NKIRAS1: variants seen among roughly 807,000 people sequenced by gnomAD.
NKIRAS1 encodes the protein NF-kappa-B inhibitor-interacting Ras-like protein 1.
NKIRAS1 carries 16 observed loss-of-function variants against 19.8 expected under a neutral mutation model. The observed-to-expected ratio is 0.81, with a 90% CI of 0.55 to 1.23. NKIRAS1 has a LOEUF of 1.23. Among genes scored for constraint, NKIRAS1 ranks in the 50% most tolerant of loss-of-function variants. The probability of loss-of-function intolerance (pLI) is 0.00; values close to 1 mark genes in which losing one functional copy is unlikely to be tolerated. For synonymous variants in NKIRAS1, 88 were observed against 79.0 expected, an observed-to-expected ratio of 1.11 and a Z score of -0.61; for missense variants, 184 against 220.0, an observed-to-expected ratio of 0.84 and a Z score of 1.04.
At chr3:23,902,151 T>C (rs889346548) in intron 3 of NKIRAS1, among the ~76,000 whole-genome samples, 14 of 152,132 alleles carry the variant, frequency 9.2e-5, no homozygotes, top group African/African-American at 3.4e-4. Flanking sequence ...TAACATCCTA[T>C]ACCCCCCCCA....
intron 1 of NKIRAS1, among the ~76,000 whole-genome samples, chr3:23,932,212 T>C (rs1206949593): frequency 1.3e-5 from 2 of 152,100 alleles, no homozygotes; most frequent in Non-Finnish European, 2.9e-5. Flanking sequence ...TAAACATCTG[T>C]GAGAGTGCCT....
chr3:23,940,803 G>A (rs1381002883), intron 1 of NKIRAS1, among the ~76,000 whole-genome samples: 2 of 152,156 alleles, frequency 1.3e-5, no homozygotes, highest in African/African-American at 4.8e-5. Flanking sequence ...TACCATGAAT[G>A]GAACGGTAAA....
chr3:23,930,836 G>A (rs1705302035), intron 1 of NKIRAS1, among the ~76,000 whole-genome samples: 2 of 151,530 alleles, frequency 1.3e-5, no homozygotes, highest in South Asian at 4.2e-4. Flanking sequence ...CTGAGTAGCT[G>A]GGACTATAGG....
chr3:23,936,693 C>T (rs921984578), intron 1 of NKIRAS1, among the ~76,000 whole-genome samples: 2 of 152,074 alleles, frequency 1.3e-5, no homozygotes, highest in Admixed American at 1.3e-4. Context: ...ACCACAGGTG[C>T]GTGCCACCAC....
chr3:23,910,752 AC>A lies in NKIRAS1; in HGVS notation c.94+58del. 4 of 1,298,602 alleles carry A rather than the reference AC, an allele frequency of 3.1e-6. No homozygotes were observed. The Middle Eastern group carries it at 7.3e-4, about 236-fold the overall frequency. The allele number at this position is 1,298,602 out of a possible 1,614,324, so 80.4% of individuals were successfully genotyped here. On this transcript the variant is annotated intron_variant, in intron 3 of 4. Coordinates refer to ENST00000425478, the MANE Select transcript of NKIRAS1 (RefSeq NM_020345.4). ...AACCACCTTTAGTTTAGCATGACCAACAAAAGACCCCTGATAGCTCCCAGAA... is the reference window on the plus strand; with the variant it reads ...AACCACCTTTAGTTTAGCATGACCAAAAAAGACCCCTGATAGCTCCCAGAA...
intron 1 of NKIRAS1, among the ~76,000 whole-genome samples, chr3:23,931,528 C>A (rs981248245): frequency 1.3e-5 from 2 of 152,170 alleles, no homozygotes; most frequent in Non-Finnish European, 2.9e-5. Context: ...TGTCTCCCTT[C>A]CCTGCTTTAT....
rs1173405147 is a variant in NKIRAS1 at position 23,910,154 on chromosome 3, GC to G, written c.94+656del. On this transcript the variant is annotated intron_variant, in intron 3 of 4. Coordinates refer to ENST00000425478, the MANE Select transcript of NKIRAS1 (RefSeq NM_020345.4). ...TTACTGGTGTGAGCCACTGCGCTCG[GC>G]CTTTTTTTTTTTTTTTTTTTGAGAC... Among the ~76,000 whole-genome samples the G allele has an allele frequency of 6.8e-3, 812 of 119,306 alleles. 13 individuals are homozygous for G. Among genetic ancestry groups the G allele is most frequent in the South Asian group, 0.052 (201 of 3,900 alleles). 78.3% of individuals were successfully genotyped at this position (119,306 alleles called of 152,430 possible).
rs569928934 is a variant in NKIRAS1, at chr3:23,936,849, C to G, written c.-140+9474G>C. Among the ~76,000 whole-genome samples the G allele has an allele frequency of 4.7e-4, 72 of 152,274 alleles. 1 individual carries two copies. The South Asian group carries it at 0.012, about 25-fold the overall frequency. ...GCGTGAGCCACTGCACTACTGCGCC[C>G]GGCTGAAAAATTGCATTTCTAACAA... On this transcript the variant is annotated intron_variant, in intron 1 of 4. Coordinates refer to the NKIRAS1 transcript ENST00000421515.
chr3:23,901,001 T>C lies in NKIRAS1; in HGVS notation c.143A>G (p.Glu48Gly). 1.2e-6 allele frequency: 2 copies of C among 1,614,190 alleles called. No individual in the cohort carries two copies. The highest frequency in any genetic ancestry group is 1.7e-6 in the Non-Finnish European group (2 of 1,180,004). ...CTGTTCTTTTACTCCTCGGTCTGTTTCTACTGAAGCCATGTATACATCTTC... is the reference window on the plus strand; with the variant it reads ...CTGTTCTTTTACTCCTCGGTCTGTTCCTACTGAAGCCATGTATACATCTTC... ...TMEDVYMASV[E>G]TDRGVKEQLH... Residue 48 changes from glutamate to glycine, a missense_variant, in exon 4 of 5, where the codon GAA (glutamate) becomes GGA (glycine). Physicochemically the swap from Glu to Gly is moderately conservative, Grantham distance 98. Transcript: ENST00000425478.
chr3:23,900,704 TAAG>T (rs1167602680), intron 4 of NKIRAS1, 101 bp downstream of exon 4: 48 of 814,154 alleles, frequency 5.9e-5, no homozygotes, highest in Middle Eastern at 3.5e-4. Flanking sequence ...TTACAGATAC[TAAG>T]AATATACTGT....
chr3:23,908,178 A>G (rs1489878870), intron 3 of NKIRAS1, among the ~76,000 whole-genome samples: 1 of 152,206 alleles, frequency 6.6e-6, no homozygotes, highest in African/African-American at 2.4e-5. Flanking sequence ...AAAATTTCCA[A>G]AATGACCAAT....
intron 1 of NKIRAS1, among the ~76,000 whole-genome samples, chr3:23,924,691 C>T (rs547630576): frequency 6.6e-6 from 1 of 152,150 alleles, no homozygotes; most frequent in Non-Finnish European, 1.5e-5. Context: ...AATAAGCCAC[C>T]AAGCCTGGCC....
upstream of NKIRAS1, chr3:23,919,175 G>A: frequency 1.3e-6 from 2 of 1,559,458 alleles, no homozygotes; most frequent in South Asian, 2.2e-5. Flanking sequence ...GATTGACCTT[G>A]GGCCTTTTTT....
At chr3:23,920,797 G>A (rs1036472651), upstream of NKIRAS1, 5 of 958,666 alleles carry the variant, frequency 5.2e-6, no homozygotes, top group Admixed American at 3.1e-4. Flanking sequence ...CATTTTAATT[G>A]TGTAGAGGTT....
At chr3:23,909,139 A>G (rs963454513) in intron 3 of NKIRAS1, among the ~76,000 whole-genome samples, 2 of 152,244 alleles carry the variant, frequency 1.3e-5, no homozygotes, top group Non-Finnish European at 2.9e-5. Context: ...GTATTATAAT[A>G]AACACTAAAT....
At chr3:23,899,969 C>A (rs1342709787) in intron 4 of NKIRAS1, among the ~76,000 whole-genome samples, 1 of 151,796 alleles carries the variant, frequency 6.6e-6, no homozygotes, top group African/African-American at 2.4e-5. Context: ...CGAGACCATC[C>A]TGGCTAACAC....
intron 1 of NKIRAS1, among the ~76,000 whole-genome samples, chr3:23,937,722 A>G (rs994595591): frequency 6.6e-6 from 1 of 152,142 alleles, no homozygotes; most frequent in African/African-American, 2.4e-5. Context: ...TCTGTTTAGT[A>G]TGTTATTAAA....
chr3:23,916,549 G>A (rs954110484), intron 1 of NKIRAS1: 5 of 152,290 alleles, frequency 3.3e-5, no homozygotes, highest in South Asian at 2.1e-4. Flanking sequence ...GCCTGCTGGA[G>A]GAGCTTCACG....
At chr3:23,921,231 T>A (rs1386241839), upstream of NKIRAS1, among the ~76,000 whole-genome samples, 4 of 152,210 alleles carry the variant, frequency 2.6e-5, no homozygotes, top group African/African-American at 9.7e-5. Flanking sequence ...TTCCTGTCCT[T>A]GCTACCCAAC....
Sources: gnomAD v4.1 joint callset for allele counts (sites outside exome capture counted in the v4.1 genomes callset) on GRCh38, gnomAD v4.1.1 for gene constraint, MANE v1.5 for transcripts, NCBI Gene and HGNC (gene_info 2026-07-23, HGNC 2026-07-21) for gene names.